The following RALGPS1 variants were observed in gnomAD, a reference collection of about 807,000 sequenced individuals.
RALGPS1 encodes ras-specific guanine nucleotide-releasing factor RalGPS1.
In RALGPS1, 19 loss-of-function variants were observed where a neutral mutation model predicts 78.8. The observed-to-expected ratio is 0.24, with a 90% CI of 0.17 to 0.35. The LOEUF (loss-of-function observed/expected upper bound fraction) is 0.35. RALGPS1 is among the 10% of genes least tolerant of loss of function. RALGPS1 has a pLI of 1.00. For synonymous variants in RALGPS1, 228 were observed against 256.3 expected, an observed-to-expected ratio of 0.89 and a Z score of 1.06; for missense variants, 454 against 688.3, an observed-to-expected ratio of 0.66 and a Z score of 3.81.
intron 8 of RALGPS1, among the ~76,000 whole-genome samples, chr9:127,137,931 ATGT>A (rs1457674846): frequency 5.3e-5 from 8 of 152,206 alleles, no homozygotes; most frequent in Admixed American, 2.0e-4. Flanking sequence ...GAGATAATAC[ATGT>A]TGAGCTCACA....
At chr9:126,943,841 C>T (rs769133997) in intron 1 of RALGPS1, among the ~76,000 whole-genome samples, 1 of 152,192 alleles carries the variant, frequency 6.6e-6, no homozygotes, top group South Asian at 2.1e-4. Flanking sequence ...AAAATTAGGT[C>T]GTAGGGCCAG....
At chr9:127,178,144 T>A in intron 11 of RALGPS1, 1 of 738,476 alleles carries the variant, frequency 1.4e-6, no homozygotes, top group Non-Finnish European at 2.0e-6. Flanking sequence ...CTGTGCAGGG[T>A]CTGTGGGCAG....
intron 4 of RALGPS1, among the ~76,000 whole-genome samples, chr9:127,005,444 G>A (rs1479906351): frequency 1.3e-5 from 2 of 152,238 alleles, no homozygotes; most frequent in Non-Finnish European, 2.9e-5. Context: ...AGGCCCACCT[G>A]TCACTGTGGC....
At chr9:127,086,133 C>T (rs1392394575) in intron 8 of RALGPS1, among the ~76,000 whole-genome samples, 1 of 152,182 alleles carries the variant, frequency 6.6e-6, no homozygotes, top group African/African-American at 2.4e-5. Flanking sequence ...GACACACACA[C>T]ACGCCTGTTT....
At chr9:127,116,822 A>G (rs2055479220) in intron 8 of RALGPS1, among the ~76,000 whole-genome samples, 1 of 152,210 alleles carries the variant, frequency 6.6e-6, no homozygotes, top group Non-Finnish European at 1.5e-5. Flanking sequence ...GACTATCCTC[A>G]TTTCACAGAT....
chr9:127,035,029 C>T (rs1392820964), intron 5 of RALGPS1, among the ~76,000 whole-genome samples: 6 of 152,176 alleles, frequency 3.9e-5, no homozygotes, highest in Admixed American at 1.3e-4. Flanking sequence ...CATATCCCCA[C>T]ATTGTACCCT....
chr9:127,196,471 C>T lies in RALGPS1; in HGVS notation c.1038-3C>T, dbSNP rs2061353496. ...GCCTTCTTTCTTCCTTTCCATTTTCCAGTATGATGTGTCAGTTGAGTGTAG... is the reference window on the plus strand; with the variant it reads ...GCCTTCTTTCTTCCTTTCCATTTTCTAGTATGATGTGTCAGTTGAGTGTAG... On this transcript the variant is annotated splice_polypyrimidine_tract_variant and splice_region_variant and intron_variant, in intron 12 of 18. Coordinates refer to ENST00000259351, the MANE Select transcript of RALGPS1 (RefSeq NM_014636.3). 1 of 1,608,436 alleles carries T rather than the reference C, an allele frequency of 6.2e-7. No homozygotes were observed.
chr9:127,091,953 C>T lies in RALGPS1; in HGVS notation c.610+22597C>T. Reference sequence around the variant, plus strand: ...TCCCAAACCCTTGCTGGGGAAAACCCAGGAGAGTGTTAATGTGGAGCCTGC... The same window carrying T: ...TCCCAAACCCTTGCTGGGGAAAACCTAGGAGAGTGTTAATGTGGAGCCTGC... On this transcript the variant is annotated intron_variant, in intron 8 of 18. Transcript: ENST00000259351. This position sits in a 1 kb window ranked among gnomAD's most constrained non-coding sequence, Gnocchi z 4.3. The T allele has an allele frequency of 6.2e-7, 1 of 1,612,644 alleles. No homozygotes were observed. The highest frequency in any genetic ancestry group is 1.1e-5 in the South Asian group (1 of 90,978).
chr9:127,087,622 A>T (rs2051922718), intron 8 of RALGPS1: 1 of 152,406 alleles, frequency 6.6e-6, no homozygotes, highest in African/African-American at 2.4e-5. Flanking sequence ...TGAGGCTGAC[A>T]CTTGGTGGCC....
At chr9:126,982,921 TC>T (rs1318612571) in intron 4 of RALGPS1, among the ~76,000 whole-genome samples, 1,400 of 88,078 alleles carry the variant, frequency 0.016, 20 homozygotes, top group Non-Finnish European at 0.024. Context: ...TTCTTCTTCT[TC>T]TTCTTCTTTT....
intron 8 of RALGPS1, among the ~76,000 whole-genome samples, chr9:127,125,813 T>G (rs1335562137): frequency 3.3e-5 from 5 of 152,222 alleles, no homozygotes; most frequent in African/African-American, 9.7e-5. Flanking sequence ...ATTTAATGTG[T>G]GACTTTTTAA....
chr9:127,074,423 C>T (rs2052423686), intron 8 of RALGPS1, among the ~76,000 whole-genome samples: 1 of 152,160 alleles, frequency 6.6e-6, no homozygotes, highest in Non-Finnish European at 1.5e-5. Flanking sequence ...ACTGGCAAAT[C>T]CCCATCTCAG....
At chr9:127,070,350 A>G (rs1386803865) in intron 8 of RALGPS1, among the ~76,000 whole-genome samples, 1 of 152,212 alleles carries the variant, frequency 6.6e-6, no homozygotes, top group African/African-American at 2.4e-5. Flanking sequence ...CATTTTTGCT[A>G]TTAAAATGTC....
chr9:127,140,366 A>G (rs1217586257), intron 8 of RALGPS1, among the ~76,000 whole-genome samples: 2 of 152,236 alleles, frequency 1.3e-5, no homozygotes, highest in African/African-American at 4.8e-5. Context: ...TTTGCAGTCA[A>G]GAAAGTCCTG....
intron 4 of RALGPS1, among the ~76,000 whole-genome samples, chr9:126,988,037 G>T (rs1394856983): frequency 2.0e-5 from 3 of 152,200 alleles, no homozygotes; most frequent in African/African-American, 7.2e-5. Context: ...GGTGTTTGGA[G>T]AACAGTGAGG....
chr9:127,076,919 G>A (rs1036132371), intron 8 of RALGPS1, among the ~76,000 whole-genome samples: 3 of 152,246 alleles, frequency 2.0e-5, no homozygotes, highest in East Asian at 1.9e-4. Flanking sequence ...CATTTTACAC[G>A]AAGATGACAG....
intron 2 of RALGPS1, 71 bp from the exon 3 acceptor site, chr9:126,965,773 G>C: frequency 8.5e-7 from 1 of 1,172,482 alleles, no homozygotes; most frequent in South Asian, 1.2e-5. Context: ...CCTGAATTCC[G>C]AGGAGGTTTG....
chr9:127,152,255 C>G (rs1210688118), intron 8 of RALGPS1, among the ~76,000 whole-genome samples: 1 of 152,162 alleles, frequency 6.6e-6, no homozygotes, highest in East Asian at 1.9e-4. Context: ...ACATGCAGTT[C>G]AAACCCATTA....
intron 4 of RALGPS1, among the ~76,000 whole-genome samples, chr9:127,026,957 G>A (rs925112887): frequency 6.6e-6 from 1 of 152,192 alleles, no homozygotes; most frequent in South Asian, 2.1e-4. Context: ...CAGGCAGCGG[G>A]TGGGGGTGCT....
Sources: allele counts gnomAD v4.1 joint callset (sites outside exome capture counted in the v4.1 genomes callset), GRCh38; gene constraint gnomAD v4.1.1; non-coding constraint Gnocchi (gnomAD v3.1); transcripts MANE v1.5; gene names NCBI Gene and HGNC (gene_info 2026-07-23, HGNC 2026-07-21).